Variants in CUX2 observed in about 807,000 individuals in gnomAD.
CUX2 encodes homeobox protein cut-like 2.
In CUX2, 40 loss-of-function variants were observed where a neutral mutation model predicts 144.8. The observed-to-expected ratio is 0.28, with a 90% CI of 0.21 to 0.36. CUX2 has a LOEUF of 0.36. CUX2 is among the 10% of genes least tolerant of loss of function. The pLI is 1.00. For missense variants in CUX2, 1,615 were observed against 1,994.0 expected (o/e 0.81, Z 3.62); for synonymous variants, 827 against 875.6 (o/e 0.94, Z 0.98).
chr12:111,145,499 G>A (rs1876608542), intron 1 of CUX2, among the ~76,000 whole-genome samples: 1 of 152,152 alleles, frequency 6.6e-6, no homozygotes, highest in South Asian at 2.1e-4. Context: ...CTCCCAAGCA[G>A]CTGGGAATAC....
At chr12:111,222,809 C>T (rs1160531981) in intron 3 of CUX2, among the ~76,000 whole-genome samples, 1 of 152,174 alleles carries the variant, frequency 6.6e-6, no homozygotes, top group Non-Finnish European at 1.5e-5. Flanking sequence ...TCCCTCTAAT[C>T]ACTCAGGGTC....
Position 111,299,874 on chromosome 12 carries a change from A to G in CUX2, c.753+1285A>G, listed in dbSNP as rs189804340. Among the ~76,000 whole-genome samples, 158 of 152,090 alleles carry G rather than the reference A, an allele frequency of 1.0e-3. 3 individuals are homozygous for G. The highest frequency in any genetic ancestry group is 3.6e-3 in the African/African-American group (149 of 41,508). On this transcript the variant is annotated intron_variant, in intron 9 of 21. Transcript: ENST00000261726. ...TCAATCCATTCACAAGCCCACGAAT[A>G]TATCTTTTTGTGGGGGGCAAGGGGG...
chr12:111,328,020 T>A (rs1887897311), intron 18 of CUX2, among the ~76,000 whole-genome samples: 1 of 152,032 alleles, frequency 6.6e-6, no homozygotes, highest in Middle Eastern at 3.2e-3. Context: ...CTGGAGTGAG[T>A]GCCTTCCAGT....
At chr12:111,271,821 A>T in intron 4 of CUX2, among the ~76,000 whole-genome samples, 1 of 152,140 alleles carries the variant, frequency 6.6e-6, no homozygotes. Flanking sequence ...CAGAGAGTAG[A>T]TTATTTTCTT....
At chr12:111,247,144 CA>C (rs1366409826) in intron 3 of CUX2, among the ~76,000 whole-genome samples, 3 of 152,166 alleles carry the variant, frequency 2.0e-5, no homozygotes, top group African/African-American at 7.2e-5. Context: ...TACTGGGAAT[CA>C]AACCCAGGCT....
rs553798278 is a variant in CUX2 at position 111,287,121 on chromosome 12, C to G, written c.302-4297C>G. Among the ~76,000 whole-genome samples, 5 of 152,266 alleles carry G rather than the reference C, an allele frequency of 3.3e-5. No homozygotes were observed. Among genetic ancestry groups the G allele is most frequent in the Admixed American group, 2.6e-4 (4 of 15,292 alleles). On this transcript the variant is annotated intron_variant, in intron 4 of 21. Transcript: ENST00000261726. This position sits in a 1 kb window ranked among gnomAD's most constrained non-coding sequence, Gnocchi z 4.2. ...CTCTGGGGAGCCACCTGAGGCCAGC[C>G]TCCCCAAGACAGAGCACACAGCCAG... is the stretch of plus-strand genomic sequence containing the variant.
intron 1 of CUX2, among the ~76,000 whole-genome samples, chr12:111,167,508 G>A (rs954032097): frequency 2.0e-5 from 3 of 152,174 alleles, no homozygotes; most frequent in East Asian, 1.9e-4. Flanking sequence ...GGTGACCCCC[G>A]TCCATGGTAG....
In CUX2 at chr12:111,068,800, C is replaced by G. The variant is rs950836882; in HGVS notation, c.63+34560C>G. On this transcript the variant is annotated intron_variant, in intron 1 of 21. Coordinates refer to ENST00000261726, the MANE Select transcript of CUX2 (RefSeq NM_015267.4). The surrounding 1 kb of genome is among the most constrained non-coding windows in gnomAD (Gnocchi z 4.9). ...CTCCTGTTGGACAGGAGGGGAAAAT[C>G]TCATGGTTAAGAATGTGGCCCTGGG... Among the ~76,000 whole-genome samples, 5 of 152,300 alleles carry G rather than the reference C, an allele frequency of 3.3e-5. No individual in the cohort carries two copies. Among genetic ancestry groups the G allele is most frequent in the Non-Finnish European group, 4.4e-5 (3 of 68,016 alleles).
chr12:111,097,738 C>T (rs570648227), intron 1 of CUX2, among the ~76,000 whole-genome samples: 3 of 152,268 alleles, frequency 2.0e-5, no homozygotes, highest in African/African-American at 4.8e-5. Flanking sequence ...AGGGAGGATC[C>T]GCAAAGAGAC....
intron 1 of CUX2, among the ~76,000 whole-genome samples, chr12:111,060,231 A>T (rs1282538760): frequency 6.6e-6 from 1 of 152,056 alleles, no homozygotes; most frequent in Non-Finnish European, 1.5e-5. Context: ...CCACCATGTC[A>T]TCTCTTATAA....
intron 1 of CUX2, among the ~76,000 whole-genome samples, chr12:111,183,675 G>A (rs1449796203): frequency 6.6e-6 from 1 of 152,168 alleles, no homozygotes; most frequent in African/African-American, 2.4e-5. Context: ...CATCCTGCAG[G>A]TAGGGCTGAT....
At chr12:111,319,324 G>T (rs1887382209) in intron 16 of CUX2, among the ~76,000 whole-genome samples, 1 of 151,804 alleles carries the variant, frequency 6.6e-6, no homozygotes, top group South Asian at 2.1e-4. Context: ...AAATGAGGAA[G>T]GAAAGAAATA....
intron 4 of CUX2, 146 bp from the exon 5 acceptor site, chr12:111,291,272 C>A: frequency 2.1e-6 from 2 of 973,944 alleles, no homozygotes; most frequent in South Asian, 3.9e-5. Context: ...CCTGCTCCCT[C>A]GTAGAGCAGA....
chr12:111,066,665 AT>A (rs1053755087), intron 1 of CUX2, among the ~76,000 whole-genome samples: 3 of 152,200 alleles, frequency 2.0e-5, no homozygotes, highest in African/African-American at 7.2e-5. Flanking sequence ...TGGTCAGTGT[AT>A]TCCAGCATGT....
Position 111,310,707 on chromosome 12 carries a change from C to A in CUX2, c.1900+25C>A. 1 of 1,557,726 alleles carries A rather than the reference C, an allele frequency of 6.4e-7. No homozygotes were observed. On this transcript the variant is annotated intron_variant, in intron 15 of 21. Transcript: ENST00000261726. The surrounding 1 kb of genome is among the most constrained non-coding windows in gnomAD (Gnocchi z 7.9). ...GGTGAGTGCCCAAGAGGGCCCGTCC[C>A]CGCTGGCCACCACGCCAGGTCCAGG... is the stretch of plus-strand genomic sequence containing the variant.
chr12:111,144,983 G>C (rs993797207), intron 1 of CUX2, among the ~76,000 whole-genome samples: 1 of 152,200 alleles, frequency 6.6e-6, no homozygotes, highest in African/African-American at 2.4e-5. Flanking sequence ...CTTCTGCTGG[G>C]AACTTGGGGA....
At chr12:111,086,107 T>G (rs1872198888) in intron 1 of CUX2, among the ~76,000 whole-genome samples, 2 of 152,214 alleles carry the variant, frequency 1.3e-5, no homozygotes, top group African/African-American at 4.8e-5. Flanking sequence ...TTGAGGCCAC[T>G]CTGATGATGG....
In CUX2 at chr12:111,068,622, G is replaced by T. The variant is rs1167455110; in HGVS notation, c.63+34382G>T. ...AGCTGGTGTTTTCTCCTGTGTTCCC[G>T]GCAGGGCCCTGCAGCAGTGCCTTTG... On this transcript the variant is annotated intron_variant, in intron 1 of 21. Transcript: ENST00000261726. This position sits in a 1 kb window ranked among gnomAD's most constrained non-coding sequence, Gnocchi z 4.9. Among the ~76,000 whole-genome samples the T allele has an allele frequency of 6.6e-6, 1 of 152,202 alleles. No individual in the cohort carries two copies. Among genetic ancestry groups the T allele is most frequent in the Non-Finnish European group, 1.5e-5 (1 of 68,030 alleles).
At chr12:111,212,150 C>T (rs991998866) in intron 1 of CUX2, among the ~76,000 whole-genome samples, 1 of 152,182 alleles carries the variant, frequency 6.6e-6, no homozygotes, top group Admixed American at 6.5e-5. Flanking sequence ...ACACTGATCT[C>T]TCCTGTCACT....
Sources: allele counts gnomAD v4.1 joint callset (sites outside exome capture counted in the v4.1 genomes callset), GRCh38; gene constraint gnomAD v4.1.1; non-coding constraint Gnocchi (gnomAD v3.1); transcripts MANE v1.5; gene names NCBI Gene and HGNC (gene_info 2026-07-23, HGNC 2026-07-21).